LRP2: variants seen among roughly 807,000 people sequenced by gnomAD.
The protein encoded by LRP2 is low-density lipoprotein receptor-related protein 2.
A neutral mutation model predicts 531.0 loss-of-function variants in LRP2; 172 were observed. The observed-to-expected ratio is 0.32, with a 90% confidence interval of 0.29 to 0.37. LRP2 has a LOEUF of 0.37. LRP2 is among the 10% of genes least tolerant of loss of function. The pLI is 1.00. For synonymous variants in LRP2, 1,992 were observed against 2,027.6 expected (o/e 0.98, Z 0.47); for missense variants, 5,167 against 5,868.3 (o/e 0.88, Z 3.90).
At chr2:169,286,981 G>A (rs1222842356) in intron 9 of LRP2, among the ~76,000 whole-genome samples, 1 of 152,126 alleles carries the variant, frequency 6.6e-6, no homozygotes, top group Admixed American at 6.5e-5. Flanking sequence ...GCAGTGAGGG[G>A]GGAAAAGGAG....
intron 1 of LRP2, among the ~76,000 whole-genome samples, chr2:169,361,692 C>T (rs972830512): frequency 8.5e-5 from 13 of 152,302 alleles, no homozygotes; most frequent in African/African-American, 3.1e-4. Context: ...AAGCCCCCAG[C>T]TCCCAGCTGG....
At chr2:169,237,524 G>A (rs912761139) in intron 27 of LRP2, among the ~76,000 whole-genome samples, 1 of 152,146 alleles carries the variant, frequency 6.6e-6, no homozygotes, top group African/African-American at 2.4e-5. Context: ...TTTGGTTAGT[G>A]CATAGTTTCG....
In LRP2 at chr2:169,140,561, G is replaced by A; in HGVS notation, c.13109-16C>T. On this transcript the variant is annotated splice_polypyrimidine_tract_variant and intron_variant, in intron 71 of 78. Coordinates refer to ENST00000649046, the MANE Select transcript of LRP2 (RefSeq NM_004525.3). Reference sequence around the variant, plus strand: ...AGTTCGATGGCTGCAGGAAGGGAAAGCCATGCAGGTGTTAGTCAGCTGTAC... The same window carrying A: ...AGTTCGATGGCTGCAGGAAGGGAAAACCATGCAGGTGTTAGTCAGCTGTAC... 6.3e-7 allele frequency: 1 copy of A among 1,591,366 alleles called. No homozygotes were observed. The highest frequency in any genetic ancestry group is 1.1e-5 in the South Asian group (1 of 90,592).
At chr2:169,134,050 C>A (rs922685042) in intron 76 of LRP2, among the ~76,000 whole-genome samples, 4 of 152,168 alleles carry the variant, frequency 2.6e-5, no homozygotes, top group African/African-American at 9.7e-5. Flanking sequence ...TCAATCCCTT[C>A]TACAAAACAA....
intron 1 of LRP2, among the ~76,000 whole-genome samples, chr2:169,344,777 C>T (rs1244874532): frequency 6.6e-6 from 1 of 152,164 alleles, no homozygotes; most frequent in African/African-American, 2.4e-5. Context: ...CCAACTACTG[C>T]TCTCACTAAA....
chr2:169,199,882 A>G (rs531695862), intron 44 of LRP2, among the ~76,000 whole-genome samples: 2 of 152,366 alleles, frequency 1.3e-5, no homozygotes, highest in East Asian at 1.9e-4. Context: ...GATTTTAAGC[A>G]TAAGAAGAGA....
In LRP2 at chr2:169,277,776, T is replaced by C; in HGVS notation, c.1741A>G (p.Ile581Val). ...ATTCCATCATAAGTTACAGTTTCAA[T>C]GTAATCAAACCGAGAGTCAACCCAG... ...VYWVDSRFDYIETVTYDGIQR... is the reference protein window; with the variant it reads ...VYWVDSRFDYVETVTYDGIQR... The change falls in exon 13 of 79, where the codon ATT becomes GTT. Residue 581 changes from isoleucine (I) to valine (V), a missense_variant. By Grantham distance (29) the Ile-to-Val change is conservative. Coordinates refer to ENST00000649046, the MANE Select transcript of LRP2 (RefSeq NM_004525.3). 3 of 1,614,148 alleles carry C rather than the reference T, an allele frequency of 1.9e-6. No homozygotes were observed. The highest frequency in any genetic ancestry group is 2.5e-6 in the Non-Finnish European group (3 of 1,180,012).
Position 169,243,408 on chromosome 2 carries a change from C to T in LRP2, c.3545G>A (p.Gly1182Asp). The T allele has an allele frequency of 6.2e-7, 1 of 1,614,124 alleles. No individual in the cohort carries two copies. Reference sequence around the variant, plus strand: ...AAAGAAGGCAATGCACTTACCACAACCAACCTCATCAGATCCATCAACACA... The same window carrying T: ...AAAGAAGGCAATGCACTTACCACAATCAACCTCATCAGATCCATCAACACA... ...KDCVDGSDEV[G>D]CVLNCTASQF... is the part of the protein sequence containing the mutation. The change falls in exon 23 of 79, where the codon GGT becomes GAT. Residue 1182 changes from glycine (G) to aspartate (D), a missense_variant. By Grantham distance (94) the Gly-to-Asp change is moderately conservative. Around this residue, in one of 6 missense-constraint regions of LRP2, gnomAD observed 2,811 missense variants for 3,058.0 expected, o/e 0.92. Transcript: ENST00000649046.
intron 12 of LRP2, among the ~76,000 whole-genome samples, chr2:169,278,606 A>C (rs1683618605): frequency 6.6e-6 from 1 of 152,162 alleles, no homozygotes; most frequent in Non-Finnish European, 1.5e-5. Flanking sequence ...CTATCAAGCC[A>C]TTTTGCTCCT....
chr2:169,327,604 A>T (rs1208004874), intron 1 of LRP2, among the ~76,000 whole-genome samples: 12 of 106,718 alleles, frequency 1.1e-4, no homozygotes. Flanking sequence ...AGCTGCCCCT[A>T]CTGGGAAGTG....
chr2:169,275,103 T>A lies in LRP2; in HGVS notation c.1908A>T (p.Gln636His). The change falls in exon 14 of 79, where the codon CAA (glutamine) becomes CAT (histidine). Residue 636 changes from glutamine to histidine, a missense_variant. This residue lies in a region of LRP2 where 2,811 missense variants were observed against 3,058.0 expected (regional missense o/e 0.92). Coordinates refer to ENST00000649046, the MANE Select transcript of LRP2 (RefSeq NM_004525.3). ...KANKFTETNP[Q>H]VYYQASLRPY... The stretch of plus-strand genomic sequence containing the variant: ...GCCTCAGGGAAGCCTGGTAGTACAC[T>A]TGTGGGTTGGTCTCTGTGAACTTGT... The A allele has an allele frequency of 6.2e-7, 1 of 1,613,764 alleles. No individual in the cohort carries two copies. Among genetic ancestry groups the A allele is most frequent in the Non-Finnish European group, 8.5e-7 (1 of 1,179,854 alleles).
chr2:169,279,299 T>C (rs953279216), intron 12 of LRP2, 73 bp downstream of exon 12: 10 of 1,066,016 alleles, frequency 9.4e-6, no homozygotes, highest in Non-Finnish European at 1.3e-5. Flanking sequence ...ATTAATCCAG[T>C]AGATGTTCAG....
rs1455425113 is a variant in LRP2, at chr2:169,168,684, G to T, written c.11498-8C>A. 1 of 1,612,542 alleles carries T rather than the reference G, an allele frequency of 6.2e-7. No individual in the cohort carries two copies. The highest frequency in any genetic ancestry group is 8.5e-7 in the Non-Finnish European group (1 of 1,178,994). Reference sequence around the variant, plus strand: ...CATCAGGAAAGCGTGTGGCTGCCATGGGGGAAAAAAACATATTCAAATTAT... The same window carrying T: ...CATCAGGAAAGCGTGTGGCTGCCATTGGGGAAAAAAACATATTCAAATTAT... On this transcript the variant is annotated splice_polypyrimidine_tract_variant and splice_region_variant and intron_variant, in intron 60 of 78. Coordinates refer to ENST00000649046, the MANE Select transcript of LRP2 (RefSeq NM_004525.3).
At position 169,174,090 on chromosome 2, in the gene LRP2, T is replaced by G. The variant is rs1687100724; in HGVS notation, c.10843A>C (p.Thr3615Pro). The part of the protein sequence containing the change: ...RCIPESWQCD[T>P]FNDCEDNSDE... ...GAGTTATCCTCACAGTCGTTAAATG[T>G]GTCACACTGCCAGGATTCTGGGATG... Residue 3615 changes from threonine to proline, a missense_variant, in exon 56 of 79, where the codon ACA becomes CCA. By Grantham distance (38) the Thr-to-Pro change is conservative (BLOSUM62 -1). Around this residue, in one of 6 missense-constraint regions of LRP2, gnomAD observed 311 missense variants for 309.4 expected, o/e 1.01. Coordinates refer to ENST00000649046, the MANE Select transcript of LRP2 (RefSeq NM_004525.3). The G allele has an allele frequency of 3.7e-6, 6 of 1,614,232 alleles. No homozygotes were observed. The East Asian group carries it at 1.3e-4, about 36-fold the overall frequency.
chr2:169,347,820 A>G (rs548890557), intron 1 of LRP2, among the ~76,000 whole-genome samples: 15 of 152,198 alleles, frequency 9.9e-5, no homozygotes, highest in South Asian at 4.1e-4. Context: ...TGCAACATAT[A>G]TTGAATGAAT....
chr2:169,259,571 C>A (rs764645950), intron 16 of LRP2, among the ~76,000 whole-genome samples: 2 of 151,932 alleles, frequency 1.3e-5, no homozygotes, highest in African/African-American at 4.8e-5. Flanking sequence ...CCTACTACCA[C>A]CCGGAGACGG....
At chr2:169,262,477 A>G (rs1163260056) in intron 16 of LRP2, among the ~76,000 whole-genome samples, 12 of 139,752 alleles carry the variant, frequency 8.6e-5, no homozygotes, top group East Asian at 2.1e-4. Context: ...CCAAATCATG[A>G]GTGAACTCCC....
intron 4 of LRP2, among the ~76,000 whole-genome samples, chr2:169,301,652 A>G (rs1295436910): frequency 1.3e-5 from 2 of 152,042 alleles, no homozygotes; most frequent in African/African-American, 4.8e-5. Flanking sequence ...ATTTATCTCA[A>G]AAATAATCTT....
At chr2:169,261,136 T>C (rs1000413639) in intron 16 of LRP2, among the ~76,000 whole-genome samples, 12 of 151,872 alleles carry the variant, frequency 7.9e-5, no homozygotes, top group Admixed American at 3.3e-4. Context: ...GACCATGAAA[T>C]GCAGAGAAGG....
Sources: allele counts gnomAD v4.1 joint callset (sites outside exome capture counted in the v4.1 genomes callset), GRCh38; gene constraint gnomAD v4.1.1; regional missense constraint gnomAD v4.1.1; transcripts MANE v1.5; gene names NCBI Gene and HGNC (gene_info 2026-07-23, HGNC 2026-07-21).